CREB5: variants seen among roughly 807,000 people sequenced by gnomAD.
CREB5 encodes cyclic AMP-responsive element-binding protein 5.
In CREB5, 19 loss-of-function variants were observed where a neutral mutation model predicts 57.1. The observed-to-expected ratio is 0.33, with a 90% CI of 0.23 to 0.49. The LOEUF is 0.49. Among genes scored for constraint, CREB5 ranks in the 20% least tolerant of loss-of-function variants. The pLI, the probability that CREB5 is intolerant of heterozygous loss-of-function variation, is 0.99. For synonymous variants in CREB5, 238 were observed against 238.3 expected (o/e 1.00, Z 0.01); for missense variants, 579 against 671.6 (o/e 0.86, Z 1.52).
intron 4 of CREB5, among the ~76,000 whole-genome samples, chr7:28,525,645 G>A (rs929294186): frequency 6.6e-6 from 1 of 152,136 alleles, no homozygotes; most frequent in Admixed American, 6.6e-5. Flanking sequence ...TTGGCATGCA[G>A]TAAGGTACCA....
At chr7:28,367,356 C>T (rs1050119065) in intron 1 of CREB5, among the ~76,000 whole-genome samples, 1 of 152,212 alleles carries the variant, frequency 6.6e-6, no homozygotes, top group Non-Finnish European at 1.5e-5. Context: ...AGTCATGATT[C>T]TCCGGCACCA....
intron 3 of CREB5, among the ~76,000 whole-genome samples, chr7:28,498,608 G>T (rs185445737): frequency 2.6e-5 from 4 of 152,214 alleles, no homozygotes; most frequent in Non-Finnish European, 4.4e-5. Flanking sequence ...AACGATTTTT[G>T]ACATGCCACC....
rs1797501758 is a variant in CREB5, at chr7:28,613,970, G to GT, written c.464+43439dup. The stretch of plus-strand genomic sequence containing the variant: ...GTCTTTACTTATTTATTAATTTTTG[G>GT]TTTTTTGACATAGGGTCTCACTCTG... On this transcript the variant is annotated intron_variant, in intron 5 of 10. Coordinates refer to ENST00000357727, the MANE Select transcript of CREB5 (RefSeq NM_182898.4). 2.6e-5 allele frequency among the ~76,000 whole-genome samples: 4 copies of GT among 152,170 alleles called. No individual in the cohort carries two copies. In the South Asian group the frequency reaches 8.3e-4, roughly 32 times the overall value.
intron 4 of CREB5, among the ~76,000 whole-genome samples, chr7:28,524,000 A>AATGG (rs1454674509): frequency 2.6e-5 from 4 of 152,138 alleles, no homozygotes. Flanking sequence ...ATTGCCTTAC[A>AATGG]CGTGGAAGGA....
intron 5 of CREB5, among the ~76,000 whole-genome samples, chr7:28,610,780 G>A (rs906305851): frequency 6.6e-6 from 1 of 152,172 alleles, no homozygotes; most frequent in African/African-American, 2.4e-5. Flanking sequence ...GCCTTGGAAA[G>A]TTAATGACCA....
At chr7:28,759,013 G>C (rs1028545105) in intron 7 of CREB5, among the ~76,000 whole-genome samples, 1 of 89,410 alleles carries the variant, frequency 1.1e-5, no homozygotes, top group Non-Finnish European at 3.2e-5. Context: ...AATTTGTATG[G>C]GGGTGATTAA....
chr7:28,593,405 C>T (rs546514384), intron 5 of CREB5, among the ~76,000 whole-genome samples: 24 of 152,172 alleles, frequency 1.6e-4, no homozygotes, highest in African/African-American at 4.3e-4. Context: ...TGCGCCACCA[C>T]GCCTGGCTAA....
chr7:28,763,810 A>ATTT (rs111457525), intron 7 of CREB5, among the ~76,000 whole-genome samples: 39,583 of 148,826 alleles, frequency 0.27, 5,926 homozygotes, highest in East Asian at 0.7. Flanking sequence ...TATTATTATT[A>ATTT]TTTTTTTTTG....
intron 1 of CREB5, among the ~76,000 whole-genome samples, chr7:28,348,655 C>G (rs1786124523): frequency 6.6e-6 from 1 of 152,182 alleles, no homozygotes. Context: ...CCAACAGCAT[C>G]CGTCTTTCCA....
At chr7:28,817,815 C>A (rs1023044325) in intron 9 of CREB5, among the ~76,000 whole-genome samples, 1 of 152,188 alleles carries the variant, frequency 6.6e-6, no homozygotes, top group African/African-American at 2.4e-5. Context: ...TTCCCATCAC[C>A]TAAGGGTGTG....
At chr7:28,421,442 T>A (rs184094237) in intron 1 of CREB5, among the ~76,000 whole-genome samples, 1 of 152,206 alleles carries the variant, frequency 6.6e-6, no homozygotes, top group Admixed American at 6.5e-5. Context: ...AGTTCTTTAA[T>A]GGTGATTTGT....
At chr7:28,579,451 T>G (rs1796037544) in intron 5 of CREB5, among the ~76,000 whole-genome samples, 1 of 151,988 alleles carries the variant, frequency 6.6e-6, no homozygotes. Context: ...TTTATAGTTT[T>G]CCCCCCTTTG....
chr7:28,384,923 G>A (rs1298066336), intron 1 of CREB5, among the ~76,000 whole-genome samples: 1 of 152,072 alleles, frequency 6.6e-6, no homozygotes, highest in Non-Finnish European at 1.5e-5. Context: ...GTGGCTCTCT[G>A]TCTTAGTCCA....
intron 1 of CREB5, among the ~76,000 whole-genome samples, chr7:28,394,698 GAC>G (rs926032909): frequency 3.9e-5 from 6 of 152,018 alleles, no homozygotes; most frequent in African/African-American, 1.4e-4. Context: ...CCCTACATTT[GAC>G]AGTGTGCACA....
chr7:28,340,453 GA>G (rs1785915485), intron 1 of CREB5, among the ~76,000 whole-genome samples: 3 of 152,182 alleles, frequency 2.0e-5, no homozygotes, highest in Admixed American at 6.5e-5. Context: ...CTAGGGCCTG[GA>G]ATGAGGGCCT....
At chr7:28,529,514 A>G (rs1318523687) in intron 4 of CREB5, among the ~76,000 whole-genome samples, 1 of 152,218 alleles carries the variant, frequency 6.6e-6, no homozygotes, top group East Asian at 1.9e-4. Context: ...CCACTGGCCT[A>G]AATATAATTA....
intron 7 of CREB5, among the ~76,000 whole-genome samples, chr7:28,801,408 CT>C (rs1808360255): frequency 6.6e-6 from 1 of 152,132 alleles, no homozygotes; most frequent in Non-Finnish European, 1.5e-5. Context: ...AACATAACCT[CT>C]TTTCATATTT....
At chr7:28,760,961 T>C (rs997876764) in intron 7 of CREB5, among the ~76,000 whole-genome samples, 1 of 152,184 alleles carries the variant, frequency 6.6e-6, no homozygotes, top group Non-Finnish European at 1.5e-5. Context: ...TAGGAGCATA[T>C]ATTCTTCTAC....
chr7:28,323,029 A>G (rs1785519972), intron 1 of CREB5, among the ~76,000 whole-genome samples: 1 of 152,096 alleles, frequency 6.6e-6, no homozygotes, highest in South Asian at 2.1e-4. Context: ...TGACGAATTG[A>G]CCACCAACAA....
Sources: gnomAD v4.1 joint callset for allele counts (sites outside exome capture counted in the v4.1 genomes callset) on GRCh38, gnomAD v4.1.1 for gene constraint, MANE v1.5 for transcripts, NCBI Gene and HGNC (gene_info 2026-07-23, HGNC 2026-07-21) for gene names.